The following ZSCAN25 variants were observed in gnomAD, a reference collection of about 807,000 sequenced individuals.
ZSCAN25 encodes the protein zinc finger and SCAN domain-containing protein 25.
A neutral mutation model predicts 38.7 loss-of-function variants in ZSCAN25; 27 were observed. The observed-to-expected ratio is 0.70, with a 90% CI of 0.51 to 0.96. The LOEUF is 0.96. ZSCAN25 is among the 40% of genes least tolerant of loss of function. The pLI is 0.00. For synonymous variants in ZSCAN25, 273 were observed against 277.7 expected (o/e 0.98, Z 0.17); for missense variants, 637 against 705.9 (o/e 0.90, Z 1.11).
At chr7:99,705,667 A>G in the ZSCAN25 span, 1 of 1,568,246 alleles carries the variant, frequency 6.4e-7, no homozygotes, top group Admixed American at 1.7e-5. Flanking sequence ...ATCAAAGTAA[A>G]AAAAAATTAC....
At chr7:99,675,336 A>G in the ZSCAN25 span, among the ~76,000 whole-genome samples, 1 of 152,210 alleles carries the variant, frequency 6.6e-6, no homozygotes, top group Non-Finnish European at 1.5e-5. Flanking sequence ...ATGTTGATCT[A>G]CTACAAGAGT....
In ZSCAN25 at chr7:99,624,123, G is replaced by A. The variant is rs1307124096; in HGVS notation, c.748G>A (p.Ala250Thr). 6.2e-7 allele frequency: 1 copy of A among 1,614,118 alleles called. No individual in the cohort carries two copies. The highest frequency in any genetic ancestry group is 1.1e-5 in the South Asian group (1 of 91,082). ...PEEEWRHVTP[A>T]QIDCFGEYVE... The stretch of plus-strand genomic sequence containing the variant: ...GGAGGAGTGGAGGCATGTGACCCCA[G>A]CCCAGATAGACTGCTTTGGGGAGTA... Residue 250 changes from alanine (A) to threonine (T), a missense_variant, in exon 7 of 8, where the codon GCC (alanine) becomes ACC (threonine). Physicochemically the swap from Ala to Thr is moderately conservative, Grantham distance 58 (BLOSUM62 0). Transcript: ENST00000394152.
the ZSCAN25 span, chr7:99,680,149 C>T: frequency 1.3e-3 from 595 of 469,556 alleles, 1 homozygote; most frequent in Admixed American, 4.0e-3. Flanking sequence ...TCAGTGTTAT[C>T]GGGGAGTCCA....
chr7:99,653,448 C>CTG, the ZSCAN25 span, among the ~76,000 whole-genome samples: 3 of 53,902 alleles, frequency 5.6e-5, no homozygotes, highest in African/African-American at 1.1e-4. This position sits in a 1 kb window ranked among gnomAD's most constrained non-coding sequence, Gnocchi z 4.2. Context: ...CAGACCCTGT[C>CTG]TCAAATAAAT....
At chr7:99,700,524 A>T in the ZSCAN25 span, among the ~76,000 whole-genome samples, 2 of 151,966 alleles carry the variant, frequency 1.3e-5, no homozygotes, top group Non-Finnish European at 2.9e-5. Context: ...AGCCAGACAG[A>T]CCCCTTCTGT....
At chr7:99,651,818 T>C in the ZSCAN25 span, among the ~76,000 whole-genome samples, 1 of 152,130 alleles carries the variant, frequency 6.6e-6, no homozygotes, top group Admixed American at 6.5e-5. Flanking sequence ...TCAAGACACC[T>C]CCAAGGAGGA....
chr7:99,675,228 G>A, the ZSCAN25 span, among the ~76,000 whole-genome samples: 1 of 152,208 alleles, frequency 6.6e-6, no homozygotes, highest in African/African-American at 2.4e-5. Context: ...AAATTACAAT[G>A]CGTGCTCTGA....
At chr7:99,654,956 T>C in the ZSCAN25 span, among the ~76,000 whole-genome samples, 8 of 152,212 alleles carry the variant, frequency 5.3e-5, no homozygotes, top group Non-Finnish European at 1.0e-4. Context: ...TTGTTTGAGA[T>C]CATTGTAGAT....
chr7:99,650,639 C>T, the ZSCAN25 span, among the ~76,000 whole-genome samples: 24 of 152,168 alleles, frequency 1.6e-4, no homozygotes, highest in Admixed American at 1.6e-3. Flanking sequence ...AAGGAGAAAA[C>T]GTCTTGTGCT....
the ZSCAN25 span, among the ~76,000 whole-genome samples, chr7:99,640,404 C>T: frequency 1.3e-5 from 2 of 152,142 alleles, no homozygotes; most frequent in East Asian, 1.9e-4. Context: ...GTGATCCATC[C>T]GCCTTGCCCT....
At chr7:99,658,148 C>T in the ZSCAN25 span, among the ~76,000 whole-genome samples, 5 of 152,050 alleles carry the variant, frequency 3.3e-5, no homozygotes, top group African/African-American at 7.2e-5. Flanking sequence ...TTATTTTGCT[C>T]GTTAGTTGAT....
chr7:99,644,795 T>G, the ZSCAN25 span, among the ~76,000 whole-genome samples: 2 of 152,144 alleles, frequency 1.3e-5, no homozygotes, highest in African/African-American at 4.8e-5. Context: ...TTCCTTTCCA[T>G]GTATGTAACA....
the ZSCAN25 span, chr7:99,710,639 T>C: frequency 6.3e-7 from 1 of 1,597,900 alleles, no homozygotes; most frequent in Non-Finnish European, 8.5e-7. Flanking sequence ...ATCATGATTA[T>C]GCTTTTTATA....
chr7:99,687,297 C>G, the ZSCAN25 span, among the ~76,000 whole-genome samples: 1 of 152,130 alleles, frequency 6.6e-6, no homozygotes, highest in Non-Finnish European at 1.5e-5. Context: ...GAATGGATAA[C>G]TAGAATAACC....
chr7:99,664,992 C>T, the ZSCAN25 span, among the ~76,000 whole-genome samples: 1 of 152,030 alleles, frequency 6.6e-6, no homozygotes, highest in Non-Finnish European at 1.5e-5. Context: ...TGTGTGAGGG[C>T]TCTAGATTGA....
the ZSCAN25 span, chr7:99,699,958 A>C: frequency 2.5e-6 from 4 of 1,589,714 alleles, no homozygotes; most frequent in Admixed American, 6.7e-5. Context: ...CTGGACAGTT[A>C]CTGACAGATA....
the ZSCAN25 span, among the ~76,000 whole-genome samples, chr7:99,733,022 C>G: frequency 6.6e-6 from 1 of 152,168 alleles, no homozygotes; most frequent in Non-Finnish European, 1.5e-5. Flanking sequence ...AACTAAGAAA[C>G]AGCATGGAGG....
chr7:99,733,522 G>C, the ZSCAN25 span, among the ~76,000 whole-genome samples: 4 of 152,194 alleles, frequency 2.6e-5, no homozygotes, highest in Non-Finnish European at 4.4e-5. Context: ...ATCCTGGGCT[G>C]TACCGGCATC....
chr7:99,620,191 C>A, intron 4 of ZSCAN25, 198 bp downstream of exon 4: 1 of 746,628 alleles, frequency 1.3e-6, no homozygotes, highest in South Asian at 2.0e-5. Flanking sequence ...TGCTGCCATG[C>A]AGAAGGGCCT....
Sources: allele counts gnomAD v4.1 joint callset (sites outside exome capture counted in the v4.1 genomes callset), GRCh38; gene constraint gnomAD v4.1.1; non-coding constraint Gnocchi (gnomAD v3.1); transcripts MANE v1.5; gene names NCBI Gene and HGNC (gene_info 2026-07-23, HGNC 2026-07-21).